Variants in SEC31A observed in about 807,000 individuals in gnomAD.
SEC31A encodes SEC31 homolog A, COPII component, also known as protein transport protein Sec31A.
A neutral mutation model predicts 151.0 loss-of-function variants in SEC31A; 70 were observed. The observed-to-expected ratio is 0.46, with a 90% CI of 0.38 to 0.57. The LOEUF (loss-of-function observed/expected upper bound fraction) is 0.57, where lower values mean the gene tolerates loss of function less well. Among genes scored for constraint, SEC31A ranks in the 20% least tolerant of loss-of-function variants. SEC31A has a pLI of 0.00. For synonymous variants in SEC31A, 475 were observed against 505.9 expected, an observed-to-expected ratio of 0.94 and a Z score of 0.82; for missense variants, 1,330 against 1,471.2, an observed-to-expected ratio of 0.90 and a Z score of 1.57.
Position 82,862,518 on chromosome 4 carries a change from T to C in SEC31A, c.1548+16A>G. The C allele has an allele frequency of 6.2e-7, 1 of 1,609,696 alleles. No individual in the cohort carries two copies. Among genetic ancestry groups the C allele is most frequent in the South Asian group, 1.1e-5 (1 of 90,780 alleles). Reference sequence around the variant, plus strand: ...CCAAAGTTTTAGAAGGTAGCTATTTTTAAAGGCCTTCTTACCACATTGGCT... The same window carrying C: ...CCAAAGTTTTAGAAGGTAGCTATTTCTAAAGGCCTTCTTACCACATTGGCT... On this transcript the variant is annotated intron_variant, in intron 13 of 26. Coordinates refer to ENST00000395310, the MANE Select transcript of SEC31A (RefSeq NM_001077207.4).
At chr4:82,860,367 T>C (rs1190015017) in intron 14 of SEC31A, among the ~76,000 whole-genome samples, 1 of 152,240 alleles carries the variant, frequency 6.6e-6, no homozygotes, top group Non-Finnish European at 1.5e-5. Context: ...TATTCATGAG[T>C]GCATTCCCAA....
At chr4:82,820,518 G>A (rs1265400158) in intron 26 of SEC31A, among the ~76,000 whole-genome samples, 1 of 152,184 alleles carries the variant, frequency 6.6e-6, no homozygotes, top group African/African-American at 2.4e-5. Flanking sequence ...GTGGGGACAA[G>A]AGAACAAACG....
chr4:82,841,971 C>T (rs75189515), intron 22 of SEC31A, among the ~76,000 whole-genome samples, 169 bp downstream of exon 22: 1 of 143,348 alleles, frequency 7.0e-6, no homozygotes, highest in Non-Finnish European at 1.5e-5. Flanking sequence ...GACTCCATCA[C>T]AAAAAAAAAA....
chr4:82,875,854 T>G, intron 4 of SEC31A, 32 bp from the exon 5 acceptor site: 1 of 1,177,960 alleles, frequency 8.5e-7, no homozygotes, highest in Non-Finnish European at 1.2e-6. Context: ...AAATAGCACT[T>G]ATGAATAATT....
intron 24 of SEC31A, among the ~76,000 whole-genome samples, chr4:82,825,402 C>T (rs1199336995): frequency 1.3e-5 from 2 of 151,950 alleles, no homozygotes; most frequent in African/African-American, 2.4e-5. Flanking sequence ...AACTGCAGTA[C>T]GTTAACACGT....
intron 22 of SEC31A, among the ~76,000 whole-genome samples, chr4:82,840,941 G>T (rs1002317470): frequency 3.3e-5 from 5 of 152,040 alleles, no homozygotes; most frequent in Admixed American, 3.3e-4. Context: ...ATACACTACT[G>T]TTGATTTTAT....
In SEC31A at chr4:82,841,656, A is replaced by AC. The variant is rs1728905627; in HGVS notation, c.2968+483dup. Among the ~76,000 whole-genome samples the AC allele has an allele frequency of 4.7e-5, 7 of 149,404 alleles. No individual in the cohort carries two copies. In the South Asian group the frequency reaches 8.6e-4, roughly 18 times the overall value. On this transcript the variant is annotated intron_variant, in intron 22 of 26. Coordinates refer to ENST00000395310, the MANE Select transcript of SEC31A (RefSeq NM_001077207.4). Reference sequence around the variant, plus strand: ...ACTGGGTCTTAAAAAAAACAAAAAAACCCCAAAAACAACAACAACAAAAAC... The same window carrying AC: ...ACTGGGTCTTAAAAAAAACAAAAAAACCCCCAAAAACAACAACAACAAAAAC...
Position 82,821,983 on chromosome 4 carries a change from C to T in SEC31A, c.3412-875G>A, listed in dbSNP as rs566407952. Among the ~76,000 whole-genome samples, 5 of 152,174 alleles carry T rather than the reference C, an allele frequency of 3.3e-5. No individual in the cohort carries two copies. The East Asian group carries it at 9.6e-4, about 29-fold the overall frequency. On this transcript the variant is annotated intron_variant, in intron 25 of 26. Transcript: ENST00000395310. ...ACTATCTTTTGGCAGCTTAAGATTA[C>T]TGAGGGAAGTAGTAAAATAAATTAT...
intron 22 of SEC31A, among the ~76,000 whole-genome samples, chr4:82,834,281 A>T (rs887354332): frequency 1.3e-5 from 2 of 152,178 alleles, no homozygotes; most frequent in Non-Finnish European, 2.9e-5. Context: ...CTGGAAACAC[A>T]GTGGGCTTGA....
At chr4:82,867,420 A>AT (rs1208537336) in intron 8 of SEC31A, 104 bp from the exon 9 acceptor site, 10 of 904,912 alleles carry the variant, frequency 1.1e-5, no homozygotes, top group East Asian at 2.6e-5. Flanking sequence ...TAAATTGAAT[A>AT]TTTTTTTGTA....
chr4:82,826,751 T>C (rs1008797127), intron 24 of SEC31A, among the ~76,000 whole-genome samples: 3 of 152,268 alleles, frequency 2.0e-5, no homozygotes, highest in African/African-American at 4.8e-5. Flanking sequence ...AAACAGACAG[T>C]AGAACTAGTT....
chr4:82,894,632 T>G (rs1356287194), upstream of SEC31A: 1 of 152,250 alleles, frequency 6.6e-6, no homozygotes, highest in African/African-American at 2.4e-5. Flanking sequence ...ACCTTATGCC[T>G]TCTTAAAACG....
chr4:82,880,588 C>CA (rs10615367), intron 3 of SEC31A: 15,033 of 303,246 alleles, frequency 0.05, 4 homozygotes, highest in East Asian at 0.061. Flanking sequence ...GATTCTGTCT[C>CA]AAAAAAAAAA....
rs1734140033 is a variant in SEC31A at position 82,861,633 on chromosome 4, C to T, written c.1624G>A (p.Glu542Lys). 1.3e-6 allele frequency: 2 copies of T among 1,599,242 alleles called. No individual in the cohort carries two copies. The highest frequency in any genetic ancestry group is 1.7e-6 in the Non-Finnish European group (2 of 1,169,234). Reference sequence around the variant, plus strand: ...TAATATGAAAAAAAAATAAGTACCTCTCCCAAGAGCTGCTCTTCAGCAGCA... The same window carrying T: ...TAATATGAAAAAAAAATAAGTACCTTTCCCAAGAGCTGCTCTTCAGCAGCA... ...SPAAEEQLLG[E>K]HIKEEKEESE... is the part of the protein sequence containing the mutation. The change falls in exon 14 of 27, where the codon GAG becomes AAG. Residue 542 changes from glutamate to lysine, a missense_variant and splice_region_variant. Coordinates refer to ENST00000395310, the MANE Select transcript of SEC31A (RefSeq NM_001077207.4).
intron 24 of SEC31A, among the ~76,000 whole-genome samples, chr4:82,826,762 T>A (rs1724696073): frequency 6.6e-6 from 1 of 152,280 alleles, no homozygotes; most frequent in South Asian, 2.1e-4. Flanking sequence ...AGAACTAGTT[T>A]TTTTACTTGG....
chr4:82,880,757 T>C, intron 3 of SEC31A, 42 bp downstream of exon 3: 5 of 1,542,202 alleles, frequency 3.2e-6, no homozygotes, highest in Middle Eastern at 1.7e-4. Context: ...AAGAACAATA[T>C]ATAATTAAAT....
Position 82,864,396 on chromosome 4 carries a change from G to C in SEC31A, c.1400C>G (p.Thr467Ser), listed in dbSNP as rs749896580. 8.1e-6 allele frequency: 13 copies of C among 1,613,872 alleles called. No homozygotes were observed. In the East Asian group the frequency reaches 2.9e-4, roughly 36 times the overall value. ...GGACCACACATTTTTCTCAAATTCA[G>C]TCTGAGAAGCATCAATTTTTTTTTG... ...YCQKKIDASQ[T>S]EFEKNVWSFL... is the part of the protein sequence containing the mutation. Residue 467 changes from threonine (T) to serine (S), a missense_variant, in exon 11 of 27, where the codon ACT becomes AGT. Coordinates refer to ENST00000395310, the MANE Select transcript of SEC31A (RefSeq NM_001077207.4).
At chr4:82,891,891 G>C (rs1263760602), upstream of SEC31A, among the ~76,000 whole-genome samples, 2 of 152,218 alleles carry the variant, frequency 1.3e-5, no homozygotes, top group Non-Finnish European at 2.9e-5. Context: ...GCAAGGTGAA[G>C]CCAAAGGAAA....
chr4:82,842,514 T>C (rs768296473), intron 21 of SEC31A, 33 bp from the exon 22 acceptor site: 2 of 1,507,488 alleles, frequency 1.3e-6, no homozygotes, highest in East Asian at 2.3e-5. Flanking sequence ...AAATTTCAAT[T>C]AGTTACAAGT....
Sources: allele counts gnomAD v4.1 joint callset (sites outside exome capture counted in the v4.1 genomes callset), GRCh38; gene constraint gnomAD v4.1.1; transcripts MANE v1.5; gene names NCBI Gene and HGNC (gene_info 2026-07-23, HGNC 2026-07-21).